The following KIFC3 variants were observed in gnomAD, a reference collection of about 807,000 sequenced individuals.
KIFC3 encodes the protein kinesin family member C3, also known as kinesin-like protein KIFC3.
A neutral mutation model predicts 101.8 loss-of-function variants in KIFC3; 60 were observed. That is an observed-to-expected ratio of 0.59 (90% CI 0.48 to 0.73). The LOEUF is 0.73. Ranked by LOEUF, KIFC3 falls within the 30% of genes least tolerant of loss-of-function variation. The probability of loss-of-function intolerance (pLI) is 0.00; values close to 1 mark genes in which losing one functional copy is unlikely to be tolerated. For missense variants in KIFC3, 966 were observed against 1,137.1 expected (o/e 0.85, Z 2.16); for synonymous variants, 476 against 482.7 (o/e 0.99, Z 0.18).
At chr16:57,766,675 C>A (rs183132123) in intron 10 of KIFC3, among the ~76,000 whole-genome samples, 199 bp downstream of exon 10, 283 of 152,322 alleles carry the variant, frequency 1.9e-3, no homozygotes, top group Non-Finnish European at 3.0e-3. Context: ...TGGACAGACT[C>A]AAGTTCAAAT....
chr16:57,799,620 G>A (rs1199561459), intron 1 of KIFC3, among the ~76,000 whole-genome samples: 1 of 152,196 alleles, frequency 6.6e-6, no homozygotes, highest in Admixed American at 6.5e-5. Context: ...AAGCCTGGAA[G>A]AGAGGTCAGG....
chr16:57,832,309 C>G (rs145847396), intron 1 of KIFC3, among the ~76,000 whole-genome samples: 3 of 141,640 alleles, frequency 2.1e-5, no homozygotes, highest in Admixed American at 7.4e-5. Flanking sequence ...CCATGAGCCA[C>G]GGCGCCAGGC....
intron 10 of KIFC3, among the ~76,000 whole-genome samples, chr16:57,766,078 A>C (rs1324732818): frequency 6.6e-6 from 1 of 152,222 alleles, no homozygotes; most frequent in Non-Finnish European, 1.5e-5. Flanking sequence ...CCCAGGCAGC[A>C]GGTGATGACT....
At chr16:57,822,104 C>CA (rs1423265355) in intron 1 of KIFC3, among the ~76,000 whole-genome samples, 1 of 151,948 alleles carries the variant, frequency 6.6e-6, no homozygotes, top group Non-Finnish European at 1.5e-5. Flanking sequence ...AAAACTAAAA[C>CA]AAAAAACTGC....
At chr16:57,772,338 C>A in intron 3 of KIFC3, 50 bp from the exon 4 acceptor site, 1 of 1,531,748 alleles carries the variant, frequency 6.5e-7, no homozygotes, top group Non-Finnish European at 9.0e-7. Flanking sequence ...TCAGCTCCAG[C>A]CTACACCCAG....
At chr16:57,862,193 CTTTT>C (rs55718589) in intron 1 of KIFC3, among the ~76,000 whole-genome samples, 1 of 128,408 alleles carries the variant, frequency 7.8e-6, no homozygotes. Flanking sequence ...CTACATCTGG[CTTTT>C]TTTTTTTTTT....
chr16:57,772,111 G>C, intron 4 of KIFC3, 112 bp downstream of exon 4: 1 of 865,546 alleles, frequency 1.2e-6, no homozygotes, highest in Non-Finnish European at 1.8e-6. Flanking sequence ...CTGAGACAGG[G>C]TGGGATATGC....
chr16:57,775,071 G>T, intron 3 of KIFC3: 1 of 1,506,320 alleles, frequency 6.6e-7, no homozygotes, highest in Non-Finnish European at 8.8e-7. Flanking sequence ...GTGGGAGGCG[G>T]GATACCCACC....
chr16:57,808,195 C>T (rs1555627276), upstream of KIFC3, among the ~76,000 whole-genome samples: 1 of 151,896 alleles, frequency 6.6e-6, no homozygotes, highest in Non-Finnish European at 1.5e-5. Context: ...CCCCTTTTAT[C>T]ATTTCCTGTA....
At chr16:57,834,179 G>A (rs2055642511) in intron 1 of KIFC3, among the ~76,000 whole-genome samples, 1 of 151,988 alleles carries the variant, frequency 6.6e-6, no homozygotes, top group Admixed American at 6.6e-5. Flanking sequence ...TATTTTTAAA[G>A]TAATATACAT....
At chr16:57,800,527 C>T (rs1007673769) in intron 1 of KIFC3, among the ~76,000 whole-genome samples, 1 of 152,186 alleles carries the variant, frequency 6.6e-6, no homozygotes, top group Non-Finnish European at 1.5e-5. Context: ...GTCTCGGCTG[C>T]TGGGAAGGTG....
In KIFC3 at chr16:57,771,447, T is replaced by C. The variant is rs781879668; in HGVS notation, c.526-10A>G. 20 of 1,613,356 alleles carry C rather than the reference T, an allele frequency of 1.2e-5. No homozygotes were observed. Among genetic ancestry groups the C allele is most frequent in the East Asian group, 2.2e-5 (1 of 44,896 alleles). On this transcript the variant is annotated splice_polypyrimidine_tract_variant and intron_variant, in intron 5 of 19. Coordinates refer to ENST00000445690, the MANE Select transcript of KIFC3 (RefSeq NM_001130100.2). ...GGAGCTGGGCGCTCTCCTGCAGCCA[T>C]TGGGAGGCACTGGATGAGTGCAAGG...
chr16:57,772,038 C>T (rs1026202172), intron 4 of KIFC3, among the ~76,000 whole-genome samples, 185 bp downstream of exon 4: 1 of 152,072 alleles, frequency 6.6e-6, no homozygotes, highest in East Asian at 1.9e-4. Context: ...GAACCTCCCA[C>T]CCCCTGGAGC....
chr16:57,779,392 GA>G (rs2052470302), intron 3 of KIFC3: 1 of 152,186 alleles, frequency 6.6e-6, no homozygotes, highest in African/African-American at 2.4e-5. Flanking sequence ...GACAGATGGC[GA>G]ATGAGGAGTT....
intron 4 of KIFC3, 119 bp from the exon 5 acceptor site, chr16:57,771,805 G>T: frequency 1.6e-6 from 2 of 1,245,786 alleles, no homozygotes; most frequent in East Asian, 2.6e-5. Flanking sequence ...GAGAAAGGCA[G>T]AGGGAAGGAG....
At chr16:57,808,360 C>G (rs112834290) in intron 1 of KIFC3, among the ~76,000 whole-genome samples, 5 of 152,142 alleles carry the variant, frequency 3.3e-5, no homozygotes, top group African/African-American at 9.6e-5. Context: ...CTCCCACCAT[C>G]CTCCAGAAGC....
chr16:57,829,944 C>T (rs1555478913), intron 1 of KIFC3, among the ~76,000 whole-genome samples: 1 of 152,188 alleles, frequency 6.6e-6, no homozygotes, highest in East Asian at 1.9e-4. Flanking sequence ...AGAAGAGGAA[C>T]AAGGCAAGCC....
intron 1 of KIFC3, among the ~76,000 whole-genome samples, chr16:57,821,207 G>C (rs1238787240): frequency 6.6e-6 from 1 of 152,090 alleles, no homozygotes; most frequent in Non-Finnish European, 1.5e-5. Context: ...CTGACCATTG[G>C]GTATGACAAG....
At chr16:57,760,554 G>A (rs1288193111) in intron 16 of KIFC3, 138 bp from the exon 17 acceptor site, 2 of 1,165,210 alleles carry the variant, frequency 1.7e-6, no homozygotes, top group Non-Finnish European at 2.5e-6. Flanking sequence ...AGGCAACATG[G>A]CAGAGGTGCT....
Sources: allele counts gnomAD v4.1 joint callset (sites outside exome capture counted in the v4.1 genomes callset), GRCh38; gene constraint gnomAD v4.1.1; transcripts MANE v1.5; gene names NCBI Gene and HGNC (gene_info 2026-07-23, HGNC 2026-07-21).